Variants in SFMBT2 observed in about 807,000 individuals in gnomAD.
The protein encoded by SFMBT2 is scm-like with four MBT domains protein 2.
A neutral mutation model predicts 110.1 loss-of-function variants in SFMBT2; 38 were observed. The observed-to-expected ratio is 0.35, with a 90% CI of 0.27 to 0.45. The LOEUF (loss-of-function observed/expected upper bound fraction) is 0.45. SFMBT2 is among the 20% of genes least tolerant of loss of function. The pLI is 1.00. For missense variants in SFMBT2, 1,011 were observed against 1,094.9 expected, an observed-to-expected ratio of 0.92 and a Z score of 1.08; for synonymous variants, 425 against 425.4, an observed-to-expected ratio of 1.00 and a Z score of 0.01.
In SFMBT2 at chr10:7,159,417, C is replaced by T. The variant is rs1837491569; in HGVS notation, c.*4353G>A. The stretch of plus-strand genomic sequence containing the variant: ...TGATAGAGCTATGAGAACTGGTCAA[C>T]TTAAGAGTTCAACCATGTGAAAGGG... On this transcript the variant is annotated 3_prime_UTR_variant, in exon 21 of 21. Coordinates refer to ENST00000397167, the MANE Select transcript of SFMBT2 (RefSeq NM_001387889.1). The T allele has an allele frequency of 6.6e-6, 1 of 152,150 alleles. No homozygotes were observed. Among genetic ancestry groups the T allele is most frequent in the Admixed American group, 6.5e-5 (1 of 15,270 alleles). The allele number at this position is 152,150 out of a possible 1,614,324, so 9.4% of individuals were successfully genotyped here.
intron 1 of SFMBT2, among the ~76,000 whole-genome samples, chr10:7,407,707 A>C (rs1434405726): frequency 1.3e-5 from 2 of 152,214 alleles, no homozygotes; most frequent in Non-Finnish European, 2.9e-5. Flanking sequence ...AAATTCCGAA[A>C]GCGAAACTGC....
chr10:7,388,326 GGATGATGATGATGATGATGAT>G (rs113666945), intron 1 of SFMBT2, among the ~76,000 whole-genome samples: 2 of 146,074 alleles, frequency 1.4e-5, no homozygotes, highest in Non-Finnish European at 3.0e-5. Flanking sequence ...AAACAAAGAA[GGATGATGATGATGATGATGAT>G]GATGATGATG....
At chr10:7,306,964 C>T (rs1285003388) in intron 4 of SFMBT2, among the ~76,000 whole-genome samples, 1 of 152,208 alleles carries the variant, frequency 6.6e-6, no homozygotes, top group Admixed American at 6.5e-5. Flanking sequence ...CATGCCAAAG[C>T]ATCCCTGATA....
At chr10:7,326,497 T>C (rs1383407085) in intron 4 of SFMBT2, among the ~76,000 whole-genome samples, 3 of 152,250 alleles carry the variant, frequency 2.0e-5, no homozygotes, top group Admixed American at 6.5e-5. Flanking sequence ...TCTTGTTTAA[T>C]AGCCTCGGCT....
In SFMBT2 at chr10:7,160,514, C is replaced by A. The variant is rs1588749616; in HGVS notation, c.*3256G>T. 6.6e-6 allele frequency: 1 copy of A among 152,202 alleles called. No individual in the cohort carries two copies. Among genetic ancestry groups the A allele is most frequent in the East Asian group, 1.9e-4 (1 of 5,178 alleles). 9.4% of individuals were successfully genotyped at this position (152,202 alleles called of 1,614,324 possible). ...GCATGATGCCCACAGGAAGTAGGCGCACTAAGGAGAGGACTTTGGTCCCAA... is the reference window on the plus strand; with the variant it reads ...GCATGATGCCCACAGGAAGTAGGCGAACTAAGGAGAGGACTTTGGTCCCAA... On this transcript the variant is annotated 3_prime_UTR_variant, in exon 21 of 21. Transcript: ENST00000397167.
intron 9 of SFMBT2, among the ~76,000 whole-genome samples, chr10:7,235,916 G>A (rs35761502): frequency 2.0e-5 from 3 of 151,768 alleles, no homozygotes; most frequent in South Asian, 2.1e-4. Flanking sequence ...TTATATCCAC[G>A]AAAGGAAATA....
At chr10:7,287,165 C>G (rs375357602) in intron 4 of SFMBT2, among the ~76,000 whole-genome samples, 1 of 147,698 alleles carries the variant, frequency 6.8e-6, no homozygotes, top group Admixed American at 6.9e-5. Flanking sequence ...CTGCAAGCTC[C>G]GCCTCCCAGG....
intron 7 of SFMBT2, among the ~76,000 whole-genome samples, chr10:7,274,168 G>T (rs1841692818): frequency 6.6e-6 from 1 of 152,206 alleles, no homozygotes; most frequent in South Asian, 2.1e-4. Context: ...GTAGAAGCAA[G>T]TGTGGTAACC....
chr10:7,218,518 TACAA>T (rs1839617054), intron 11 of SFMBT2, among the ~76,000 whole-genome samples: 1 of 152,236 alleles, frequency 6.6e-6, no homozygotes, highest in Non-Finnish European at 1.5e-5. Flanking sequence ...ACAGACTGTT[TACAA>T]ACACTTTTTA....
chr10:7,365,378 T>A (rs971646587), intron 4 of SFMBT2, among the ~76,000 whole-genome samples: 2 of 152,224 alleles, frequency 1.3e-5, no homozygotes, highest in African/African-American at 4.8e-5. Context: ...CAGATGACCA[T>A]GTAAGCCGCA....
intron 11 of SFMBT2, among the ~76,000 whole-genome samples, chr10:7,216,492 T>A (rs907781949): frequency 6.6e-6 from 1 of 152,210 alleles, no homozygotes; most frequent in Non-Finnish European, 1.5e-5. Flanking sequence ...CATGTGGAAC[T>A]GTGAGTCCAT....
intron 1 of SFMBT2, among the ~76,000 whole-genome samples, chr10:7,385,004 T>C (rs1165537582): frequency 6.6e-6 from 1 of 152,134 alleles, no homozygotes; most frequent in Non-Finnish European, 1.5e-5. Context: ...CCAAGGGCAC[T>C]CTAAGGTCTT....
At chr10:7,331,790 G>C (rs978727917) in intron 4 of SFMBT2, among the ~76,000 whole-genome samples, 5 of 151,998 alleles carry the variant, frequency 3.3e-5, no homozygotes, top group Admixed American at 6.6e-5. Context: ...GTTCACCTGA[G>C]GTCAGGAGTT....
At chr10:7,272,795 C>A (rs1417698983) in intron 7 of SFMBT2, among the ~76,000 whole-genome samples, 1 of 152,096 alleles carries the variant, frequency 6.6e-6, no homozygotes, top group Non-Finnish European at 1.5e-5. Context: ...TCCCCCCTAC[C>A]CTCTTTCATT....
chr10:7,372,350 G>A (rs1845086160), intron 2 of SFMBT2, among the ~76,000 whole-genome samples: 1 of 152,178 alleles, frequency 6.6e-6, no homozygotes, highest in Non-Finnish European at 1.5e-5. Context: ...TTTAAATTTT[G>A]CCTTCTAAGC....
intron 9 of SFMBT2, among the ~76,000 whole-genome samples, chr10:7,240,019 T>A (rs1417145409): frequency 2.0e-5 from 3 of 152,130 alleles, no homozygotes; most frequent in African/African-American, 7.2e-5. Flanking sequence ...CCCTTTCAGT[T>A]ATAAAAACCC....
intron 11 of SFMBT2, among the ~76,000 whole-genome samples, chr10:7,217,999 C>G (rs1035896833): frequency 6.6e-6 from 1 of 151,986 alleles, no homozygotes; most frequent in Non-Finnish European, 1.5e-5. Flanking sequence ...TTTAGAGACA[C>G]GTAAAGAATG....
At chr10:7,407,212 TC>T (rs1316084900) in intron 1 of SFMBT2, among the ~76,000 whole-genome samples, 1 of 138,764 alleles carries the variant, frequency 7.2e-6, no homozygotes, top group African/African-American at 2.7e-5. Flanking sequence ...GCCTCTCCCC[TC>T]CCCCACCCCA....
Position 7,202,433 on chromosome 10 carries a change from C to T in SFMBT2, c.1487+47G>A, listed in dbSNP as rs749045789. On this transcript the variant is annotated intron_variant, in intron 13 of 20. Transcript: ENST00000397167. The stretch of plus-strand genomic sequence containing the variant: ...CTTCCCATCCTCCATAAAGACACTA[C>T]AGTTTATCGGTATACAGTGTAGTCT... 3.1e-6 allele frequency: 5 copies of T among 1,611,982 alleles called. No homozygotes were observed. In the Admixed American group the frequency reaches 6.7e-5, roughly 21 times the overall value.
Sources: allele counts gnomAD v4.1 joint callset (sites outside exome capture counted in the v4.1 genomes callset), GRCh38; gene constraint gnomAD v4.1.1; transcripts MANE v1.5; gene names NCBI Gene and HGNC (gene_info 2026-07-23, HGNC 2026-07-21).